Variants in EPHB1 observed in about 807,000 individuals in gnomAD.
EPHB1 encodes EPH receptor B1.
In EPHB1, 30 loss-of-function variants were observed where a neutral mutation model predicts 94.4. The observed-to-expected ratio is 0.32, with a 90% CI of 0.24 to 0.43. EPHB1 has a LOEUF of 0.43. Among genes scored for constraint, EPHB1 ranks in the 20% least tolerant of loss-of-function variants. The pLI, the probability that EPHB1 is intolerant of heterozygous loss-of-function variation, is 1.00. For synonymous variants in EPHB1, 522 were observed against 489.1 expected (o/e 1.07, Z -0.89); for missense variants, 1,055 against 1,308.3 (o/e 0.81, Z 2.99).
chr3:135,213,643 T>A (rs1276004072), intron 12 of EPHB1, among the ~76,000 whole-genome samples: 1 of 152,206 alleles, frequency 6.6e-6, no homozygotes, highest in Non-Finnish European at 1.5e-5. Flanking sequence ...TCAGCTGACA[T>A]TGGTGGGCAG....
In EPHB1 at chr3:134,951,912, G is replaced by A. The variant is rs752494038; in HGVS notation, c.665G>A (p.Arg222Gln). ...GAGAGCACATCTCTGGTGATTGCTC[G>A]GGGCACATGCATCCCCAACGCAGAG... is the stretch of plus-strand genomic sequence containing the variant. ...GAESTSLVIA[R>Q]GTCIPNAEEV... is the part of the protein sequence containing the mutation. Residue 222 changes from arginine (R) to glutamine (Q), a missense_variant, in exon 3 of 16, where the codon CGG (arginine) becomes CAG (glutamine). Physicochemically the swap from Arg to Gln is conservative, Grantham distance 43. Transcript: ENST00000398015. This position sits in a 1 kb window ranked among gnomAD's most constrained non-coding sequence, Gnocchi z 4.5. 28 of 1,613,864 alleles carry A rather than the reference G, an allele frequency of 1.7e-5. No homozygotes were observed. Among genetic ancestry groups the A allele is most frequent in the South Asian group, 5.5e-5 (5 of 91,086 alleles).
intron 5 of EPHB1, among the ~76,000 whole-genome samples, chr3:135,148,444 C>T (rs751327488): frequency 6.6e-6 from 1 of 152,112 alleles, no homozygotes; most frequent in African/African-American, 2.4e-5. Context: ...CCATCTCAGA[C>T]CCAGCCTGAG....
intron 4 of EPHB1, among the ~76,000 whole-genome samples, chr3:135,112,932 C>T (rs1939520310): frequency 6.6e-6 from 1 of 152,182 alleles, no homozygotes; most frequent in Non-Finnish European, 1.5e-5. Flanking sequence ...TCCAGCTGAG[C>T]TTTACCCATC....
At chr3:135,166,183 A>G (rs1941647308) in intron 8 of EPHB1, 107 bp downstream of exon 8, 1 of 750,090 alleles carries the variant, frequency 1.3e-6, no homozygotes, top group South Asian at 1.6e-5. Context: ...TCACGACCAC[A>G]ATCATCACTC....
chr3:134,886,170 A>G (rs1390307903), intron 1 of EPHB1, among the ~76,000 whole-genome samples: 2 of 152,206 alleles, frequency 1.3e-5, no homozygotes, highest in African/African-American at 4.8e-5. Flanking sequence ...GCCCATTTCC[A>G]CAAGTGTGAC....
chr3:135,232,236 G>A (rs1425097202), intron 12 of EPHB1, among the ~76,000 whole-genome samples: 1 of 152,216 alleles, frequency 6.6e-6, no homozygotes, highest in Non-Finnish European at 1.5e-5. Context: ...CTTTCAGAGA[G>A]CTTTTAAGTT....
At chr3:134,914,047 G>C (rs1267377885) in intron 1 of EPHB1, among the ~76,000 whole-genome samples, 1 of 152,146 alleles carries the variant, frequency 6.6e-6, no homozygotes, top group East Asian at 1.9e-4. Flanking sequence ...GCAGGAGTTG[G>C]CTGTGGAGAA....
chr3:135,241,899 G>A (rs1943793157), intron 13 of EPHB1, among the ~76,000 whole-genome samples: 1 of 152,236 alleles, frequency 6.6e-6, no homozygotes, highest in Non-Finnish European at 1.5e-5. Flanking sequence ...GGCAGCTTCA[G>A]ATGGGCCACA....
At chr3:135,175,575 G>T (rs889251010) in intron 9 of EPHB1, among the ~76,000 whole-genome samples, 5 of 152,040 alleles carry the variant, frequency 3.3e-5, no homozygotes, top group Admixed American at 3.3e-4. Flanking sequence ...CTCTTTTGAG[G>T]TACTAATAAA....
At chr3:135,123,995 C>G (rs139869441) in intron 4 of EPHB1, among the ~76,000 whole-genome samples, 1 of 151,678 alleles carries the variant, frequency 6.6e-6, no homozygotes, top group South Asian at 2.1e-4. Flanking sequence ...CTTACAGTAA[C>G]ACCTCATTTA....
chr3:134,808,993 T>A (rs909586148), intron 1 of EPHB1, among the ~76,000 whole-genome samples: 1 of 152,244 alleles, frequency 6.6e-6, no homozygotes, highest in Non-Finnish European at 1.5e-5. Context: ...GCATTTAAAT[T>A]TGATATCCAT....
chr3:134,861,673 A>G (rs2037262340), intron 1 of EPHB1, among the ~76,000 whole-genome samples: 1 of 152,112 alleles, frequency 6.6e-6, no homozygotes, highest in Non-Finnish European at 1.5e-5. Flanking sequence ...GACCCCACAG[A>G]GGTGGGAAAA....
Position 135,162,038 on chromosome 3 carries a change from C to A in EPHB1, c.1443C>A (p.Ser481=). 1 of 1,611,972 alleles carries A rather than the reference C, an allele frequency of 6.2e-7. No homozygotes were observed. The highest frequency in any genetic ancestry group is 8.5e-7 in the Non-Finnish European group (1 of 1,178,902). The change falls in exon 7 of 16, where the codon TCC becomes TCA. Residue 481 remains serine (S), a synonymous_variant. Coordinates refer to ENST00000398015, the MANE Select transcript of EPHB1 (RefSeq NM_004441.5). ...TTTAGGAACACAATGAGTTCAACTC[C>A]TCCATGGCCAGGAGTCAGACCAACA... ...YYEKEHNEFN[S]SMARSQTNTA... is the part of the protein sequence containing the mutation.
At chr3:134,898,472 G>T (rs758066763) in intron 1 of EPHB1, among the ~76,000 whole-genome samples, 1 of 152,112 alleles carries the variant, frequency 6.6e-6, no homozygotes, top group Non-Finnish European at 1.5e-5. Context: ...CTATCGAATG[G>T]CACTGATTCA....
intron 1 of EPHB1, among the ~76,000 whole-genome samples, chr3:134,827,363 G>GCACACA (rs61002729): frequency 1.3e-5 from 2 of 150,770 alleles, no homozygotes; most frequent in Admixed American, 6.6e-5. Context: ...GGGTGCGCGT[G>GCACACA]CACACACACA....
chr3:135,127,248 G>A (rs117026573), intron 4 of EPHB1, among the ~76,000 whole-genome samples: 1,951 of 152,312 alleles, frequency 0.013, 113 homozygotes, highest in Admixed American at 0.11. Flanking sequence ...GTTGCAACAC[G>A]TGTTCACTTT....
chr3:134,843,401 G>T (rs1391856829), intron 1 of EPHB1, among the ~76,000 whole-genome samples: 2 of 152,006 alleles, frequency 1.3e-5, no homozygotes, highest in African/African-American at 4.8e-5. Flanking sequence ...TGGGATTTTT[G>T]GACTTGTGCA....
At chr3:135,064,463 T>C (rs1937555296) in intron 3 of EPHB1, among the ~76,000 whole-genome samples, 1 of 152,158 alleles carries the variant, frequency 6.6e-6, no homozygotes, top group Admixed American at 6.5e-5. Flanking sequence ...CCATTTCTTC[T>C]AGGTTTTCGA....
At chr3:135,192,447 A>T in intron 10 of EPHB1, 129 bp from the exon 11 acceptor site, 1 of 1,002,714 alleles carries the variant, frequency 1.0e-6, no homozygotes, top group Non-Finnish European at 1.4e-6. Flanking sequence ...ATGAGAGAAG[A>T]CTGTTTTAAT....
Sources: gnomAD v4.1 joint callset for allele counts (sites outside exome capture counted in the v4.1 genomes callset) on GRCh38, gnomAD v4.1.1 for gene constraint, Gnocchi (gnomAD v3.1) non-coding constraint, MANE v1.5 for transcripts, NCBI Gene and HGNC (gene_info 2026-07-23, HGNC 2026-07-21) for gene names.